The following DCC variants were observed in gnomAD, a reference collection of about 807,000 sequenced individuals.
DCC encodes DCC netrin 1 receptor, also known as netrin receptor DCC.
Under a neutral mutation model 172.5 loss-of-function variants are expected in DCC, and 58 were observed. The ratio of observed to expected loss-of-function variants is 0.34; its 90% CI spans 0.27 to 0.42. The LOEUF (loss-of-function observed/expected upper bound fraction) is 0.42, where lower values mean the gene tolerates loss of function less well. DCC is among the 10% of genes least tolerant of loss of function. DCC has a pLI of 1.00. For synonymous variants in DCC, 709 were observed against 644.5 expected (o/e 1.10, Z -1.52); for missense variants, 1,740 against 1,791.0 (o/e 0.97, Z 0.51).
intron 1 of DCC, among the ~76,000 whole-genome samples, chr18:52,413,000 T>G (rs564811007): frequency 1.4e-4 from 21 of 152,090 alleles, no homozygotes; most frequent in Non-Finnish European, 2.2e-4. Flanking sequence ...TTAAGCTTAC[T>G]TTTGATAAAC....
intron 1 of DCC, among the ~76,000 whole-genome samples, chr18:52,514,075 T>C (rs1287759472): frequency 5.9e-5 from 9 of 152,158 alleles, no homozygotes; most frequent in Non-Finnish European, 8.8e-5. Context: ...TTCTTAAGAG[T>C]TGCACTCTTC....
rs564802701 is a variant in DCC, at chr18:53,349,762, C to T, written c.2359+9855C>T. Among the ~76,000 whole-genome samples the T allele has an allele frequency of 7.7e-4, 118 of 152,270 alleles. 1 individual carries two copies. In the Middle Eastern group the frequency reaches 0.01, roughly 13 times the overall value. ...ATCTCATGAGACTCATTCACTATCA[C>T]GAGAGCAATGCAGGAAAGTCCTGCC... On this transcript the variant is annotated intron_variant, in intron 15 of 28. Coordinates refer to ENST00000442544, the MANE Select transcript of DCC (RefSeq NM_005215.4).
intron 2 of DCC, among the ~76,000 whole-genome samples, chr18:52,769,022 T>C (rs1303058225): frequency 6.6e-6 from 1 of 152,148 alleles, no homozygotes; most frequent in East Asian, 1.9e-4. Flanking sequence ...TGGAATTCCT[T>C]CAATAAAATA....
chr18:53,235,800 T>A (rs2144625860), intron 12 of DCC, among the ~76,000 whole-genome samples: 1 of 152,270 alleles, frequency 6.6e-6, no homozygotes, highest in South Asian at 2.1e-4. Flanking sequence ...CCTAAGAAAC[T>A]GGTAACCACT....
intron 9 of DCC, among the ~76,000 whole-genome samples, chr18:53,186,403 C>A (rs1432686019): frequency 1.3e-5 from 2 of 152,152 alleles, no homozygotes; most frequent in Admixed American, 1.3e-4. Flanking sequence ...TGAATTAGAG[C>A]AAAAGCCAGC....
At chr18:53,206,356 CATATATGTATTGTAACACATAT>C (rs2055637283) in intron 10 of DCC, among the ~76,000 whole-genome samples, 2 of 60,950 alleles carry the variant, frequency 3.3e-5, no homozygotes, top group Admixed American at 3.8e-4. Flanking sequence ...TGTATATATA[CATATATGTATTGTAACACATAT>C]ATGTATATAT....
chr18:52,821,282 A>G (rs1305106107), intron 2 of DCC, among the ~76,000 whole-genome samples: 1 of 152,084 alleles, frequency 6.6e-6, no homozygotes, highest in Non-Finnish European at 1.5e-5. Flanking sequence ...CTCTCAACAT[A>G]CATTCCACAT....
chr18:52,478,917 G>T (rs778721845), intron 1 of DCC, among the ~76,000 whole-genome samples: 6 of 152,110 alleles, frequency 3.9e-5, no homozygotes, highest in Non-Finnish European at 5.9e-5. Context: ...GATCCAAACC[G>T]TATCAGGCAC....
In DCC at chr18:53,532,415, T is replaced by G. The variant is rs1260956695; in HGVS notation, c.*1762T>G. On this transcript the variant is annotated 3_prime_UTR_variant, in exon 29 of 29. Transcript: ENST00000442544. ...AAGTCCGGTCCATTTGCGAATTTGT[T>G]CCTTCAACAAGAGTGCTCATTCAAG... 4 of 152,198 alleles carry G rather than the reference T, an allele frequency of 2.6e-5. No homozygotes were observed. The highest frequency in any genetic ancestry group is 4.4e-5 in the Non-Finnish European group (3 of 68,044). 9.4% of individuals were successfully genotyped at this position (152,198 alleles called of 1,614,324 possible).
At chr18:52,350,534 G>C (rs1419849784) in intron 1 of DCC, among the ~76,000 whole-genome samples, 1 of 152,074 alleles carries the variant, frequency 6.6e-6, no homozygotes, top group Non-Finnish European at 1.5e-5. Context: ...TGGGGAGTTG[G>C]GGGCTAGGGG....
chr18:52,364,981 A>G (rs763129450), intron 1 of DCC, among the ~76,000 whole-genome samples: 24 of 152,220 alleles, frequency 1.6e-4, no homozygotes, highest in Non-Finnish European at 2.5e-4. Flanking sequence ...AAATATGTAG[A>G]AAGTTTAAAA....
At chr18:53,025,685 A>T (rs1034897607) in intron 5 of DCC, among the ~76,000 whole-genome samples, 3 of 152,036 alleles carry the variant, frequency 2.0e-5, no homozygotes, top group African/African-American at 7.2e-5. Context: ...TTGGATGGAA[A>T]TGAAAACCAT....
rs140930252 is a variant in DCC at position 53,270,197 on chromosome 18, A to T, written c.1912-35381A>T. On this transcript the variant is annotated intron_variant, in intron 12 of 28. Transcript: ENST00000442544. ...ATCCATATTTTAAGACAGATGCACA[A>T]TATCTGCAGTTTGACCACTTACCTC... Among the ~76,000 whole-genome samples, 7 of 152,266 alleles carry T rather than the reference A, an allele frequency of 4.6e-5. No individual in the cohort carries two copies. The East Asian group carries it at 1.2e-3, about 25-fold the overall frequency.
In DCC at chr18:52,836,171, C is replaced by G. The variant is rs146865112; in HGVS notation, c.413-69873C>G. On this transcript the variant is annotated intron_variant, in intron 2 of 28. Coordinates refer to ENST00000442544, the MANE Select transcript of DCC (RefSeq NM_005215.4). ...GATGGGGGAAAATGCTCCCATGATT[C>G]AGTTATCTCCACCTGGTCCCTTTCA... is the stretch of plus-strand genomic sequence containing the variant. 3.9e-5 allele frequency among the ~76,000 whole-genome samples: 6 copies of G among 152,250 alleles called. No individual in the cohort carries two copies. The East Asian group carries it at 7.8e-4, about 20-fold the overall frequency.
chr18:52,839,547 G>GCTC (rs201788548), intron 2 of DCC, among the ~76,000 whole-genome samples: 3,182 of 152,224 alleles, frequency 0.021, 57 homozygotes, highest in Admixed American at 0.04. Context: ...AAGAAACTGA[G>GCTC]CTCCTCCCCA....
intron 1 of DCC, among the ~76,000 whole-genome samples, chr18:52,524,751 G>GT (rs140488308): frequency 6.6e-6 from 1 of 152,232 alleles, no homozygotes; most frequent in East Asian, 1.9e-4. Context: ...AACTTTGCAG[G>GT]TGCGCCTTGC....
At chr18:53,247,974 C>G (rs750901552) in intron 12 of DCC, among the ~76,000 whole-genome samples, 1 of 151,986 alleles carries the variant, frequency 6.6e-6, no homozygotes, top group Non-Finnish European at 1.5e-5. Context: ...GACCTTTCAG[C>G]CATACATGTC....
At chr18:52,553,853 G>C (rs79093943) in intron 1 of DCC, among the ~76,000 whole-genome samples, 5,747 of 152,084 alleles carry the variant, frequency 0.038, 147 homozygotes, top group Non-Finnish European at 0.054. Context: ...CACATGCAAA[G>C]GCATATAATG....
At chr18:53,385,883 A>T (rs923426198) in intron 15 of DCC, among the ~76,000 whole-genome samples, 160 bp from the exon 16 acceptor site, 2 of 152,214 alleles carry the variant, frequency 1.3e-5, no homozygotes, top group African/African-American at 4.8e-5. Context: ...CCCTACTGCT[A>T]CCACCCACTG....
Sources: allele counts gnomAD v4.1 joint callset (sites outside exome capture counted in the v4.1 genomes callset), GRCh38; gene constraint gnomAD v4.1.1; transcripts MANE v1.5; gene names NCBI Gene and HGNC (gene_info 2026-07-23, HGNC 2026-07-21).